The following ZNF517 variants were observed in gnomAD, a reference collection of about 807,000 sequenced individuals.
The protein encoded by ZNF517 is zinc finger protein 517.
In ZNF517, 12 loss-of-function variants were observed where a neutral mutation model predicts 12.1. That is an observed-to-expected ratio of 0.99 (90% CI 0.63 to 1.61). The LOEUF is 1.61. Among genes scored for constraint, ZNF517 ranks in the 40% most tolerant of loss-of-function variants. ZNF517 has a pLI of 0.00. For missense variants in ZNF517, 781 were observed against 693.2 expected, an observed-to-expected ratio of 1.13 and a Z score of -1.42; for synonymous variants, 388 against 310.2, an observed-to-expected ratio of 1.25 and a Z score of -2.63.
rs1271724616 is a variant in ZNF517, at chr8:144,804,056, C to T, written c.161-69C>T. ...AAGCACTCTGTGCCCTGATGGCCTC[C>T]AGCCAGGCACCTGGGCGTCCCTTCT... On this transcript the variant is annotated intron_variant, in intron 3 of 4. Coordinates refer to ENST00000359971, the MANE Select transcript of ZNF517 (RefSeq NM_213605.3). The T allele has an allele frequency of 4.0e-6, 6 of 1,483,386 alleles. No individual in the cohort carries two copies. The African/African-American group carries it at 7.0e-5, about 17-fold the overall frequency. 91.9% of individuals were successfully genotyped at this position (1,483,386 alleles called of 1,614,324 possible).
chr8:144,804,459 G>C (rs1044117192), intron 4 of ZNF517, among the ~76,000 whole-genome samples: 5 of 152,186 alleles, frequency 3.3e-5, no homozygotes, highest in African/African-American at 1.2e-4. Context: ...GTGTCCCCAA[G>C]GTGTCAGGGG....
At chr8:144,812,441 C>T (rs371587069), downstream of ZNF517, among the ~76,000 whole-genome samples, 3 of 137,066 alleles carry the variant, frequency 2.2e-5, no homozygotes, top group South Asian at 4.7e-4. Context: ...GGGAGAGACA[C>T]GGACAGTAAA....
Position 144,807,278 on chromosome 8 carries a change from G to A in ZNF517, c.362G>A (p.Cys121Tyr). 6.4e-7 allele frequency: 1 copy of A among 1,552,566 alleles called. No homozygotes were observed. The highest frequency in any genetic ancestry group is 8.7e-7 in the Non-Finnish European group (1 of 1,151,054). Residue 121 changes from cysteine (C) to tyrosine (Y), a missense_variant, in exon 5 of 5, where the codon TGC becomes TAC. Coordinates refer to ENST00000359971, the MANE Select transcript of ZNF517 (RefSeq NM_213605.3). Reference protein sequence around the residue: ...QAGLPGTVWGCLPWGHPVGGH... With the variant: ...QAGLPGTVWGYLPWGHPVGGH... The stretch of plus-strand genomic sequence containing the variant: ...GGACTGCCGGGCACCGTGTGGGGGT[G>A]CCTCCCCTGGGGGCACCCTGTGGGG...
At chr8:144,805,618 C>CACAGATCGGAAGA (rs1827186967) in intron 4 of ZNF517, among the ~76,000 whole-genome samples, 1 of 148,956 alleles carries the variant, frequency 6.7e-6, no homozygotes, top group African/African-American at 2.5e-5. Flanking sequence ...CGTGAGCCAC[C>CACAGATCGGAAGA]GCGCCTGGCC....
chr8:144,811,178 C>A (rs1054682212), downstream of ZNF517: 1 of 152,330 alleles, frequency 6.6e-6, no homozygotes, highest in Non-Finnish European at 1.5e-5. Context: ...ATAGGTTCAT[C>A]TAAAGACATT....
intron 2 of ZNF517, chr8:144,803,167 C>A: frequency 1.7e-6 from 1 of 601,186 alleles, no homozygotes; most frequent in Non-Finnish European, 2.9e-6. Flanking sequence ...CTGCGGCCTC[C>A]TCTGGCCCCT....
chr8:144,808,145 A>G lies in ZNF517; in HGVS notation c.1229A>G (p.Asn410Ser), dbSNP rs374230770. The G allele has an allele frequency of 5.0e-6, 8 of 1,603,468 alleles. No homozygotes were observed. Among genetic ancestry groups the G allele is most frequent in the South Asian group, 1.1e-5 (1 of 90,028 alleles). ...ECGKAFGRKSNLTLHQKIHTK... is the reference protein window; with the variant it reads ...ECGKAFGRKSSLTLHQKIHTK... ...GGCAAGGCCTTCGGTCGCAAGTCCAACCTCACTCTGCACCAGAAGATCCAC... is the reference window on the plus strand; with the variant it reads ...GGCAAGGCCTTCGGTCGCAAGTCCAGCCTCACTCTGCACCAGAAGATCCAC... The change falls in exon 5 of 5, where the codon AAC becomes AGC. Residue 410 changes from asparagine (N) to serine (S), a missense_variant. Physicochemically the swap from Asn to Ser is conservative, Grantham distance 46. Transcript: ENST00000359971.
At position 144,807,392 on chromosome 8, in the gene ZNF517, C is replaced by A. The variant is rs1401423558; in HGVS notation, c.476C>A (p.Ser159Tyr). 1.9e-6 allele frequency: 3 copies of A among 1,559,176 alleles called. No homozygotes were observed. Among genetic ancestry groups the A allele is most frequent in the Non-Finnish European group, 2.6e-6 (3 of 1,151,944 alleles). ...THPRAREHSA[S>Y]PRVLQEDLGR... ...CCCCGGGCTCGGGAGCACAGCGCCT[C>A]CCCAAGGGTTCTGCAGGAAGACCTG... Residue 159 changes from serine (S) to tyrosine (Y), a missense_variant, in exon 5 of 5, where the codon TCC (serine) becomes TAC (tyrosine). Transcript: ENST00000359971.
intron 4 of ZNF517, among the ~76,000 whole-genome samples, chr8:144,805,678 C>T (rs925651386): frequency 3.4e-5 from 5 of 147,188 alleles, no homozygotes; most frequent in African/African-American, 1.3e-4. Context: ...CAGGCTGGCG[C>T]GTTCTCGGCT....
intron 1 of ZNF517, among the ~76,000 whole-genome samples, chr8:144,799,170 C>G (rs1826812957): frequency 6.6e-6 from 1 of 152,172 alleles, no homozygotes; most frequent in Non-Finnish European, 1.5e-5. Context: ...GCCCCCGAGA[C>G]CCGCTCCGCC....
chr8:144,807,069 A>G lies in ZNF517; in HGVS notation c.275-122A>G. 5 of 1,274,556 alleles carry G rather than the reference A, an allele frequency of 3.9e-6. No individual in the cohort carries two copies. In the Admixed American group the frequency reaches 9.2e-5, roughly 23 times the overall value. The allele number at this position is 1,274,556 out of a possible 1,614,324, so 79.0% of individuals were successfully genotyped here. A position where few individuals can be genotyped will look rare whatever the true frequency, so the allele number is the denominator to read the frequency against. ...TATACAAGTTTTATTTGTCATTTAT[A>G]CCTCAGTAAAGCTGGGTGTTGGGGG... On this transcript the variant is annotated intron_variant, in intron 4 of 4. Coordinates refer to ENST00000359971, the MANE Select transcript of ZNF517 (RefSeq NM_213605.3).
At position 144,809,884 on chromosome 8, in the gene ZNF517, C is replaced by T. The variant is rs1226213126; in HGVS notation, c.*1489C>T. On this transcript the variant is annotated 3_prime_UTR_variant, in exon 5 of 5. Transcript: ENST00000359971. ...CTGGCCAACATGGTGAGACCCCCGTCTCTACTAAAAGTACAAAAAGTAGCT... is the reference window on the plus strand; with the variant it reads ...CTGGCCAACATGGTGAGACCCCCGTTTCTACTAAAAGTACAAAAAGTAGCT... The T allele has an allele frequency of 9.3e-6, 3 of 322,318 alleles. No homozygotes were observed. In the East Asian group the frequency reaches 1.5e-4, roughly 16 times the overall value. The allele number at this position is 322,318 out of a possible 1,614,324, so 20.0% of individuals were successfully genotyped here.
chr8:144,812,703 C>A, downstream of ZNF517, among the ~76,000 whole-genome samples: 1 of 152,212 alleles, frequency 6.6e-6, no homozygotes, highest in Non-Finnish European at 1.5e-5. Context: ...GACCCAACAC[C>A]TCAGCCTTCT....
rs1563810082 is a variant in ZNF517, at chr8:144,807,528, C to T, written c.612C>T (p.Pro204=). 2 of 1,595,998 alleles carry T rather than the reference C, an allele frequency of 1.3e-6. No individual in the cohort carries two copies. Among genetic ancestry groups the T allele is most frequent in the East Asian group, 2.3e-5 (1 of 43,530 alleles). Residue 204 remains proline (P), a synonymous_variant, in exon 5 of 5, where the codon CCC becomes CCT. Coordinates refer to ENST00000359971, the MANE Select transcript of ZNF517 (RefSeq NM_213605.3). ...AGATCATCCACACCGGCGCCAAGCC[C>T]TTCCAGTGCACAGAGTGCGGGAAGG... ...RHQIIHTGAK[P]FQCTECGKAF... is the part of the protein sequence containing the mutation.
downstream of ZNF517, chr8:144,810,455 A>G (rs1827520349): frequency 1.2e-5 from 5 of 418,480 alleles, no homozygotes; most frequent in South Asian, 4.3e-4. Flanking sequence ...GGAGGGCTGG[A>G]TCCACCCTCC....
rs202222478 is a variant in ZNF517 at position 144,807,221 on chromosome 8, C to G, written c.305C>G (p.Ser102Cys). ...DSRMEAGIME[S>C]PLQRKLSRQA... ...AGGATGGAGGCTGGGATCATGGAGT[C>G]TCCTCTGCAGAGAAAGCTCTCCAGG... The change falls in exon 5 of 5, where the codon TCT becomes TGT. Residue 102 changes from serine (S) to cysteine (C), a missense_variant. By Grantham distance (112) the Ser-to-Cys change is moderately radical. Transcript: ENST00000359971. 16 of 1,539,768 alleles carry G rather than the reference C, an allele frequency of 1.0e-5. No homozygotes were observed. In the East Asian group the frequency reaches 2.7e-4, roughly 26 times the overall value.
Position 144,807,699 on chromosome 8 carries a change from C to T in ZNF517, c.783C>T (p.Tyr261=), listed in dbSNP as rs893313971. The T allele has an allele frequency of 2.5e-6, 4 of 1,610,882 alleles. No homozygotes were observed. The highest frequency in any genetic ancestry group is 1.3e-5 in the African/African-American group (1 of 74,916). ...HHRVHTRERP[Y]ACGECGKAFS... ...GCGTCCACACCCGCGAGCGGCCCTA[C>T]GCATGCGGCGAGTGCGGCAAGGCCT... The change falls in exon 5 of 5, where the codon TAC becomes TAT. Residue 261 remains tyrosine (Y), a synonymous_variant. Transcript: ENST00000359971.
At chr8:144,803,222 C>T in intron 2 of ZNF517, 1 of 516,802 alleles carries the variant, frequency 1.9e-6, no homozygotes, top group Admixed American at 3.4e-5. Context: ...CTGTCCTTCC[C>T]CAGTGCCTGC....
chr8:144,810,227 C>A, downstream of ZNF517: 1 of 684,014 alleles, frequency 1.5e-6, no homozygotes, highest in Non-Finnish European at 2.7e-6. Flanking sequence ...CCTCTTGGCC[C>A]CACGGGGAGC....
Sources: gnomAD v4.1 joint callset for allele counts (sites outside exome capture counted in the v4.1 genomes callset) on GRCh38, gnomAD v4.1.1 for gene constraint, MANE v1.5 for transcripts, NCBI Gene and HGNC (gene_info 2026-07-23, HGNC 2026-07-21) for gene names.